The following COMMD5 variants were observed in gnomAD, a reference collection of about 807,000 sequenced individuals.
The protein encoded by COMMD5 is COMM domain-containing protein 5.
Under a neutral mutation model 6.9 loss-of-function variants are expected in COMMD5, and 10 were observed. The observed-to-expected ratio is 1.44, with a 90% confidence interval of 0.89 to 2.45. The LOEUF is 2.45. Ranked by LOEUF, COMMD5 falls within the 30% of genes most tolerant of loss-of-function variation. The pLI is 0.00. For missense variants in COMMD5, 234 were observed against 287.8 expected (o/e 0.81, Z 1.35); for synonymous variants, 127 against 125.3 (o/e 1.01, Z -0.09).
downstream of COMMD5, chr8:144,838,419 G>A (rs1829342539): frequency 2.3e-6 from 1 of 438,774 alleles, no homozygotes; most frequent in Non-Finnish European, 4.1e-6. Context: ...TGCTGGGCAG[G>A]CGCCCGGCCT....
intron 1 of COMMD5, among the ~76,000 whole-genome samples, 181 bp from the exon 2 acceptor site, chr8:144,851,576 G>A (rs542553599): frequency 6.6e-6 from 1 of 151,872 alleles, no homozygotes; most frequent in Non-Finnish European, 1.5e-5. Flanking sequence ...CAGGAGGAGC[G>A]GAGGCCTCCC....
intron 1 of COMMD5, chr8:144,842,683 G>A (rs779156102): frequency 9.9e-6 from 16 of 1,613,962 alleles, no homozygotes; most frequent in Admixed American, 5.0e-5. Context: ...GAAGCCCTAC[G>A]AATGCCTCCA....
In COMMD5 at chr8:144,851,100, TC is replaced by T; in HGVS notation, c.238del (p.Glu80SerfsTer25). On this transcript the variant is annotated frameshift_variant, in exon 2 of 2. Transcript: ENST00000305103. LOFTEE classifies it high-confidence loss of function. ...GCCTGCCAGCAGGGCACCCAGCTGC[TC>T]CTCCGGCAGGTTGGCGCTGACCCCA... ...RLGVSANLPE[E>X]QLGALLAGMH... 6.2e-7 allele frequency: 1 copy of T among 1,612,118 alleles called. No homozygotes were observed. The highest frequency in any genetic ancestry group is 8.5e-7 in the Non-Finnish European group (1 of 1,179,400).
downstream of COMMD5, chr8:144,845,876 C>T (rs1735173): frequency 3.4e-6 from 4 of 1,163,656 alleles, no homozygotes; most frequent in East Asian, 2.6e-5. Context: ...CCCTGCCTTG[C>T]GTCACGTGGC....
chr8:144,849,657 G>A (rs889982526), downstream of COMMD5, among the ~76,000 whole-genome samples: 2 of 152,074 alleles, frequency 1.3e-5, no homozygotes, highest in Non-Finnish European at 2.9e-5. Context: ...GGCCCCTCCT[G>A]GAACACAGTT....
chr8:144,838,300 C>T (rs1427520280), downstream of COMMD5: 2 of 585,348 alleles, frequency 3.4e-6, no homozygotes, highest in Non-Finnish European at 6.2e-6. Flanking sequence ...TCTGCAACGA[C>T]TGTGTTTCCA....
chr8:144,840,891 C>T (rs1829805997), downstream of COMMD5, among the ~76,000 whole-genome samples: 1 of 152,172 alleles, frequency 6.6e-6, no homozygotes, highest in Non-Finnish European at 1.5e-5. Flanking sequence ...GTAGTAAGTC[C>T]CTTGGCAGCT....
downstream of COMMD5, among the ~76,000 whole-genome samples, chr8:144,847,955 T>C (rs534514862): frequency 2.6e-5 from 4 of 152,314 alleles, no homozygotes; most frequent in East Asian, 7.7e-4. Context: ...AGGTGCTCTG[T>C]ACTGGAGGGG....
Position 144,850,773 on chromosome 8 carries a change from C to T in COMMD5, c.566G>A (p.Arg189His), listed in dbSNP as rs371524904. The change falls in exon 2 of 2, where the codon CGC (arginine) becomes CAC (histidine). Residue 189 changes from arginine to histidine, a missense_variant. Physicochemically the swap from Arg to His is conservative, Grantham distance 29 (BLOSUM62 0). Coordinates refer to ENST00000305103, the MANE Select transcript of COMMD5 (RefSeq NM_014066.4). The surrounding 1 kb of genome is among the most constrained non-coding windows in gnomAD (Gnocchi z 4.0). ...QLKLSDGSAY[R>H]FEVPTAKFQE... ...GAACTTGGCTGTGGGGACCTCAAAG[C>T]GGTATGCTGACCCATCTGAAAGCTT... The T allele has an allele frequency of 3.2e-5, 51 of 1,614,030 alleles. No homozygotes were observed. The highest frequency in any genetic ancestry group is 2.4e-4 in the African/African-American group (18 of 74,934).
downstream of COMMD5, among the ~76,000 whole-genome samples, chr8:144,849,638 G>A (rs200367549): frequency 3.3e-5 from 5 of 152,192 alleles, no homozygotes; most frequent in Non-Finnish European, 5.9e-5. Flanking sequence ...TGCAGAGACC[G>A]AGCACCAAGG....
chr8:144,843,171 C>A, intron 1 of COMMD5: 1 of 1,566,632 alleles, frequency 6.4e-7, no homozygotes. Context: ...TGGGATAGAC[C>A]ACTTACATAT....
chr8:144,842,644 A>C lies in COMMD5; in HGVS notation c.*117-901T>G, dbSNP rs751515165. 3.7e-6 allele frequency: 6 copies of C among 1,614,180 alleles called. No homozygotes were observed. In the Admixed American group the frequency reaches 5.0e-5, roughly 13 times the overall value. On this transcript the variant is annotated intron_variant and NMD_transcript_variant, in intron 1 of 1. Coordinates refer to the COMMD5 transcript ENST00000530332. Reference sequence around the variant, plus strand: ...AGCCTTCAGTCAGAGTTCCAGCCTTATTTACCATCAGAGAATCCATAAAGG... The same window carrying C: ...AGCCTTCAGTCAGAGTTCCAGCCTTCTTTACCATCAGAGAATCCATAAAGG...
chr8:144,838,976 T>C (rs7016113), downstream of COMMD5: 79 of 145,182 alleles, frequency 5.4e-4, 2 homozygotes, highest in South Asian at 3.8e-3. Flanking sequence ...GGGGCTGTGA[T>C]CTTACTTCCA....
At chr8:144,841,341 C>A in exon 2 of COMMD5, 1 of 1,590,618 alleles carries the variant, frequency 6.3e-7, no homozygotes, top group Non-Finnish European at 8.6e-7. Context: ...CGTCTTTGTT[C>A]CTGTTTATTT....
chr8:144,843,425 A>G, intron 1 of COMMD5: 2 of 313,894 alleles, frequency 6.4e-6, no homozygotes. Flanking sequence ...CATCTCTACT[A>G]AAAATACAAA....
At chr8:144,841,739 T>C (rs779730226) in exon 2 of COMMD5, 5 of 1,614,130 alleles carry the variant, frequency 3.1e-6, no homozygotes, top group Admixed American at 1.7e-5. Flanking sequence ...ACTTCAGATA[T>C]CGCTCTGCAT....
intron 1 of COMMD5, among the ~76,000 whole-genome samples, chr8:144,843,989 G>T (rs560949556): frequency 1.3e-5 from 2 of 152,140 alleles, no homozygotes; most frequent in Non-Finnish European, 2.9e-5. Context: ...GAGGCAGGCT[G>T]GGCTAGCAGG....
intron 1 of COMMD5, among the ~76,000 whole-genome samples, chr8:144,844,426 A>G (rs1381661696): frequency 6.6e-6 from 1 of 151,948 alleles, no homozygotes; most frequent in African/African-American, 2.4e-5. Flanking sequence ...AAAGACGAAA[A>G]TGGGCCGGGC....
At chr8:144,845,901 T>C, downstream of COMMD5, 1 of 1,424,856 alleles carries the variant, frequency 7.0e-7, no homozygotes. Flanking sequence ...GAGAAGGGTC[T>C]TGGCAGGTAA....
Sources: gnomAD v4.1 joint callset for allele counts (sites outside exome capture counted in the v4.1 genomes callset) on GRCh38, gnomAD v4.1.1 for gene constraint, Gnocchi (gnomAD v3.1) non-coding constraint, MANE v1.5 for transcripts, NCBI Gene and HGNC (gene_info 2026-07-23, HGNC 2026-07-21) for gene names.